The following HSD17B12 variants were observed in gnomAD, a reference collection of about 807,000 sequenced individuals.
HSD17B12 encodes the protein hydroxysteroid 17-beta dehydrogenase 12.
HSD17B12 carries 32 observed loss-of-function variants against 39.3 expected under a neutral mutation model. That is an observed-to-expected ratio of 0.81 (90% CI 0.61 to 1.09). The LOEUF (loss-of-function observed/expected upper bound fraction) is 1.09. Among genes scored for constraint, HSD17B12 ranks in the 50% least tolerant of loss-of-function variants. The pLI, the probability that HSD17B12 is intolerant of heterozygous loss-of-function variation, is 0.00. For synonymous variants in HSD17B12, 150 were observed against 146.7 expected (o/e 1.02, Z -0.16); for missense variants, 342 against 382.9 (o/e 0.89, Z 0.89).
chr11:43,816,771 C>G (rs562606014), intron 6 of HSD17B12, among the ~76,000 whole-genome samples: 3 of 151,942 alleles, frequency 2.0e-5, no homozygotes, highest in African/African-American at 7.2e-5. Context: ...TTACCCTCTT[C>G]CACCCTTTTC....
chr11:43,734,873 T>G (rs933379575), intron 1 of HSD17B12, among the ~76,000 whole-genome samples: 2 of 152,158 alleles, frequency 1.3e-5, no homozygotes, highest in Admixed American at 1.3e-4. Flanking sequence ...CTATCTAGTT[T>G]CAAGGTATTT....
At chr11:43,676,208 G>GGTGTGTGTGTGTGTGT (rs56092553), upstream of HSD17B12, among the ~76,000 whole-genome samples, 256 of 147,722 alleles carry the variant, frequency 1.7e-3, no homozygotes, top group East Asian at 5.8e-3. Context: ...AGAGGAAGAG[G>GGTGTGTGTGTGTGTGT]GTGTGTGTGT....
At chr11:43,603,399 T>C in the HSD17B12 span, among the ~76,000 whole-genome samples, 1 of 152,310 alleles carries the variant, frequency 6.6e-6, no homozygotes, top group African/African-American at 2.4e-5. Flanking sequence ...TTGTAATTTG[T>C]TTTTTGTGTA....
the HSD17B12 span, among the ~76,000 whole-genome samples, chr11:43,587,788 G>A: frequency 0.027 from 4,073 of 152,262 alleles, 195 homozygotes; most frequent in African/African-American, 0.092. Flanking sequence ...GAGCTGGACA[G>A]TATAAGATCA....
chr11:43,610,241 A>G, the HSD17B12 span, among the ~76,000 whole-genome samples: 2 of 152,314 alleles, frequency 1.3e-5, no homozygotes, highest in Middle Eastern at 3.4e-3. Flanking sequence ...TTCTTACTAC[A>G]TCACAGGATT....
At chr11:43,833,843 C>A in intron 7 of HSD17B12, 1 of 152,128 alleles carries the variant, frequency 6.6e-6, no homozygotes, top group South Asian at 2.1e-4. Flanking sequence ...AAACAAATAC[C>A]TATAATCAAA....
At chr11:43,667,984 G>A in the HSD17B12 span, among the ~76,000 whole-genome samples, 1 of 152,140 alleles carries the variant, frequency 6.6e-6, no homozygotes, top group Non-Finnish European at 1.5e-5. Flanking sequence ...TGCTTTTGAG[G>A]GCTGTAGAGA....
rs1373576736 is a variant in HSD17B12 at position 43,808,500 on chromosome 11, A to G, written c.392-6937A>G. Reference sequence around the variant, plus strand: ...AGAACCTTTTACTTAAAACTGGGTAATTAGCTCTGTTATTTCAGAAATGTA... The same window carrying G: ...AGAACCTTTTACTTAAAACTGGGTAGTTAGCTCTGTTATTTCAGAAATGTA... On this transcript the variant is annotated intron_variant, in intron 4 of 10. Transcript: ENST00000278353. Among the ~76,000 whole-genome samples the G allele has an allele frequency of 2.6e-5, 4 of 152,162 alleles. No homozygotes were observed. In the East Asian group the frequency reaches 7.7e-4, roughly 29 times the overall value.
At chr11:43,580,792 T>C in the HSD17B12 span, among the ~76,000 whole-genome samples, 2 of 152,042 alleles carry the variant, frequency 1.3e-5, no homozygotes, top group Admixed American at 1.3e-4. Flanking sequence ...AATGGAAATA[T>C]TTTTTTCTCC....
chr11:43,602,793 A>G, the HSD17B12 span, among the ~76,000 whole-genome samples: 1 of 151,984 alleles, frequency 6.6e-6, no homozygotes, highest in Non-Finnish European at 1.5e-5. Context: ...CAAGAGGAGG[A>G]TGGGAAACAG....
the HSD17B12 span, among the ~76,000 whole-genome samples, chr11:43,655,981 T>C: frequency 6.6e-6 from 1 of 152,230 alleles, no homozygotes; most frequent in African/African-American, 2.4e-5. Flanking sequence ...GAAGGAATGG[T>C]ACCAGCTCCT....
the HSD17B12 span, among the ~76,000 whole-genome samples, chr11:43,563,019 C>T: frequency 6.6e-6 from 1 of 152,196 alleles, no homozygotes; most frequent in African/African-American, 2.4e-5. Flanking sequence ...TCCTTGAATG[C>T]TGTGAGAGCC....
At chr11:43,589,314 A>G in the HSD17B12 span, among the ~76,000 whole-genome samples, 1 of 152,066 alleles carries the variant, frequency 6.6e-6, no homozygotes, top group Non-Finnish European at 1.5e-5. Flanking sequence ...AACTTGTCCT[A>G]TCAGGCATTT....
chr11:43,837,401 C>T (rs142030107), intron 7 of HSD17B12, among the ~76,000 whole-genome samples: 240 of 152,116 alleles, frequency 1.6e-3, no homozygotes, highest in Non-Finnish European at 2.4e-3. Context: ...AAGGGGAATC[C>T]TCTGAGAAGA....
the HSD17B12 span, among the ~76,000 whole-genome samples, chr11:43,660,019 A>C: frequency 6.6e-6 from 1 of 152,162 alleles, no homozygotes; most frequent in East Asian, 1.9e-4. Flanking sequence ...AGCCAAATGT[A>C]GGATAAGCTC....
At chr11:43,817,016 CTATATCTATATCTATATCTA>C (rs1565099926) in intron 6 of HSD17B12, among the ~76,000 whole-genome samples, 2,693 of 26,142 alleles carry the variant, frequency 0.1, 43 homozygotes, top group Non-Finnish European at 0.16. Context: ...ATATCTATAT[CTATATCTATATCTATATCTA>C]TATCTATATA....
chr11:43,631,531 T>TTC, the HSD17B12 span, among the ~76,000 whole-genome samples: 1 of 151,604 alleles, frequency 6.6e-6, no homozygotes, highest in Admixed American at 6.6e-5. Context: ...ATAAAAGGTG[T>TTC]TCTCTCTCTC....
chr11:43,626,117 T>A, the HSD17B12 span, among the ~76,000 whole-genome samples: 5 of 151,658 alleles, frequency 3.3e-5, no homozygotes, highest in Non-Finnish European at 7.4e-5. Context: ...TAATTTTTTT[T>A]AAATTGGATT....
chr11:43,603,522 GC>G, the HSD17B12 span, among the ~76,000 whole-genome samples: 1 of 152,184 alleles, frequency 6.6e-6, no homozygotes, highest in Non-Finnish European at 1.5e-5. Context: ...AAGAACTGAT[GC>G]AGAAGGAGAC....
Sources: allele counts gnomAD v4.1 joint callset (sites outside exome capture counted in the v4.1 genomes callset), GRCh38; gene constraint gnomAD v4.1.1; transcripts MANE v1.5; gene names NCBI Gene and HGNC (gene_info 2026-07-23, HGNC 2026-07-21).